The following PUS10 variants were observed in gnomAD, a reference collection of about 807,000 sequenced individuals.
The protein encoded by PUS10 is tRNA pseudouridine synthase Pus10.
In PUS10, 59 loss-of-function variants were observed where a neutral mutation model predicts 75.0. The ratio of observed to expected loss-of-function variants is 0.79; its 90% CI spans 0.64 to 0.98. The LOEUF is 0.98. Among genes scored for constraint, PUS10 ranks in the 50% least tolerant of loss-of-function variants. The pLI, the probability that PUS10 is intolerant of heterozygous loss-of-function variation, is 0.00. For synonymous variants in PUS10, 219 were observed against 211.6 expected (o/e 1.03, Z -0.30); for missense variants, 650 against 614.4 (o/e 1.06, Z -0.61).
chr2:61,014,072 G>A (rs1039469391), intron 1 of PUS10, among the ~76,000 whole-genome samples: 1 of 150,078 alleles, frequency 6.7e-6, no homozygotes, highest in Non-Finnish European at 1.5e-5. Flanking sequence ...CCCCTTTCAT[G>A]AGTAAAACCT....
At chr2:60,969,620 TG>T (rs1332050590) in intron 5 of PUS10, among the ~76,000 whole-genome samples, 1 of 152,236 alleles carries the variant, frequency 6.6e-6, no homozygotes, top group East Asian at 1.9e-4. Context: ...TAATTTTTTT[TG>T]TAAGTTCCCT....
chr2:60,965,118 A>T lies in PUS10; in HGVS notation c.678-15T>A, dbSNP rs764563099. On this transcript the variant is annotated splice_polypyrimidine_tract_variant and intron_variant, in intron 7 of 17. Coordinates refer to ENST00000316752, the MANE Select transcript of PUS10 (RefSeq NM_144709.4). The stretch of plus-strand genomic sequence containing the variant: ...ATATCGCAGCTCTAAAATAAAATTC[A>T]AGTTAATATAAAAGGTTAATGAGTT... The T allele has an allele frequency of 4.4e-6, 7 of 1,609,126 alleles. No homozygotes were observed. The East Asian group carries it at 1.3e-4, about 31-fold the overall frequency.
chr2:60,965,028 C>G (rs1676247736), intron 8 of PUS10, 30 bp downstream of exon 8: 42 of 1,608,382 alleles, frequency 2.6e-5, no homozygotes, highest in Non-Finnish European at 3.4e-5. Flanking sequence ...AAAACTCACT[C>G]AAGACTAAGA....
rs995404457 is a variant in PUS10 at position 60,941,312 on chromosome 2, A to G, written c.*1083T>C. Reference sequence around the variant, plus strand: ...GTAAGCTCTTTGATTTGGTAACTACATTCCAAAAGTTAATTATCAGTTACA... The same window carrying G: ...GTAAGCTCTTTGATTTGGTAACTACGTTCCAAAAGTTAATTATCAGTTACA... On this transcript the variant is annotated 3_prime_UTR_variant, in exon 18 of 18. Coordinates refer to ENST00000316752, the MANE Select transcript of PUS10 (RefSeq NM_144709.4). 2.0e-5 allele frequency: 3 copies of G among 152,418 alleles called. No homozygotes were observed. Among genetic ancestry groups the G allele is most frequent in the Admixed American group, 6.5e-5 (1 of 15,302 alleles). The allele number at this position is 152,418 out of a possible 1,614,324, so 9.4% of individuals were successfully genotyped here.
In PUS10 at chr2:61,006,602, G is replaced by A. The variant is rs759374534; in HGVS notation, c.423C>T (p.Ser141=). 1.2e-6 allele frequency: 2 copies of A among 1,613,526 alleles called. No homozygotes were observed. Among genetic ancestry groups the A allele is most frequent in the Non-Finnish European group, 1.7e-6 (2 of 1,179,758 alleles). Residue 141 remains serine (S), a synonymous_variant, in exon 4 of 18, where the codon AGC becomes AGT. Coordinates refer to ENST00000316752, the MANE Select transcript of PUS10 (RefSeq NM_144709.4). ...KVEASGFEFT[S]LVFSVSFPPQ... Reference sequence around the variant, plus strand: ...GTGGGAAGGAGACTGAAAATACCAAGCTGGTGAATTCAAACCCAGAGGCCT... The same window carrying A: ...GTGGGAAGGAGACTGAAAATACCAAACTGGTGAATTCAAACCCAGAGGCCT...
At chr2:61,013,265 G>GAAA (rs61561925) in intron 1 of PUS10, among the ~76,000 whole-genome samples, 3 of 112,290 alleles carry the variant, frequency 2.7e-5, no homozygotes, top group Non-Finnish European at 5.7e-5. Flanking sequence ...AAAAGAAACA[G>GAAA]AAAAAAAAAA....
At chr2:60,974,744 G>A (rs544960242) in intron 4 of PUS10, among the ~76,000 whole-genome samples, 1 of 152,224 alleles carries the variant, frequency 6.6e-6, no homozygotes, top group Non-Finnish European at 1.5e-5. Context: ...ATGACTGCGC[G>A]TGGAGCTGCC....
rs541358451 is a variant in PUS10, at chr2:60,986,081, C to G, written c.469-14524G>C. On this transcript the variant is annotated intron_variant, in intron 4 of 17. Coordinates refer to ENST00000316752, the MANE Select transcript of PUS10 (RefSeq NM_144709.4). ...AGGATTTACCTTTCTTTAGCAAGTA[C>G]TTCCTTCATTGATAGATCAATAACA... Among the ~76,000 whole-genome samples the G allele has an allele frequency of 2.4e-4, 36 of 151,952 alleles. No individual in the cohort carries two copies. In the South Asian group the frequency reaches 7.5e-3, roughly 32 times the overall value.
intron 1 of PUS10, 112 bp downstream of exon 1, chr2:61,017,896 G>T: frequency 1.3e-6 from 2 of 1,529,582 alleles, no homozygotes; most frequent in Non-Finnish European, 1.8e-6. Context: ...GGGCCCGAGC[G>T]GGGACTTGGC....
chr2:60,995,725 T>C (rs1375526873), intron 4 of PUS10, among the ~76,000 whole-genome samples: 1 of 152,244 alleles, frequency 6.6e-6, no homozygotes, highest in East Asian at 1.9e-4. Context: ...TGTTTCATCT[T>C]GTATTTTTTT....
intron 4 of PUS10, among the ~76,000 whole-genome samples, chr2:60,973,599 C>G (rs1368443150): frequency 6.6e-6 from 1 of 152,260 alleles, no homozygotes; most frequent in Non-Finnish European, 1.5e-5. Flanking sequence ...GGGCTGAGGG[C>G]AGTTTGGTGC....
intron 4 of PUS10, among the ~76,000 whole-genome samples, chr2:60,985,814 T>C (rs1446991767): frequency 6.6e-6 from 1 of 152,054 alleles, no homozygotes; most frequent in African/African-American, 2.4e-5. Context: ...TTCTCTTTTT[T>C]ATTCCTCAGT....
chr2:61,016,426 C>T (rs1679981820), intron 1 of PUS10, among the ~76,000 whole-genome samples: 1 of 152,068 alleles, frequency 6.6e-6, no homozygotes, highest in Admixed American at 6.5e-5. Flanking sequence ...TAATTAAATG[C>T]CAGGATTTCA....
chr2:60,980,305 T>G (rs988226601), intron 4 of PUS10, among the ~76,000 whole-genome samples: 1 of 152,166 alleles, frequency 6.6e-6, no homozygotes, highest in Non-Finnish European at 1.5e-5. Flanking sequence ...CTCTTTGAAT[T>G]TGGTTTTAGA....
chr2:61,017,920 A>G, intron 1 of PUS10, 88 bp downstream of exon 1: 1 of 1,469,998 alleles, frequency 6.8e-7, no homozygotes. Context: ...AGGCGGTTGT[A>G]GCGGTTGTTA....
intron 3 of PUS10, among the ~76,000 whole-genome samples, chr2:61,008,422 C>T (rs1356168277): frequency 2.0e-5 from 3 of 151,944 alleles, no homozygotes; most frequent in East Asian, 1.9e-4. Flanking sequence ...ACCTGGGAGG[C>T]GGAGGCTGCG....
intron 4 of PUS10, among the ~76,000 whole-genome samples, chr2:61,004,014 T>G (rs563214487): frequency 6.6e-6 from 1 of 152,314 alleles, no homozygotes; most frequent in Non-Finnish European, 1.5e-5. Context: ...AATTATATAT[T>G]CTGGTGTGAA....
intron 9 of PUS10, among the ~76,000 whole-genome samples, chr2:60,962,244 G>A (rs1382365762): frequency 6.6e-6 from 1 of 152,124 alleles, no homozygotes; most frequent in East Asian, 1.9e-4. Flanking sequence ...CTCCTTCTTT[G>A]GACACACTAC....
intron 16 of PUS10, among the ~76,000 whole-genome samples, 188 bp downstream of exon 16, chr2:60,947,851 GAAAA>G (rs1675061917): frequency 7.7e-6 from 1 of 129,714 alleles, no homozygotes; most frequent in East Asian, 2.3e-4. Context: ...AAAAAAAAAA[GAAAA>G]GAAAAGAAAA....
Sources: gnomAD v4.1 joint callset for allele counts (sites outside exome capture counted in the v4.1 genomes callset) on GRCh38, gnomAD v4.1.1 for gene constraint, MANE v1.5 for transcripts, NCBI Gene and HGNC (gene_info 2026-07-23, HGNC 2026-07-21) for gene names.